PCDH7: variants seen among roughly 807,000 people sequenced by gnomAD.
PCDH7 encodes the protein protocadherin-7.
PCDH7 carries 17 observed loss-of-function variants against 58.9 expected under a neutral mutation model. The observed-to-expected ratio is 0.29, with a 90% CI of 0.20 to 0.43. The LOEUF is 0.43. PCDH7 is among the 20% of genes least tolerant of loss of function. PCDH7 has a pLI of 1.00. For synonymous variants in PCDH7, 664 were observed against 616.4 expected (o/e 1.08, Z -1.14); for missense variants, 1,274 against 1,441.0 (o/e 0.88, Z 1.88).
chr4:30,753,535 G>A (rs534165312), intron 1 of PCDH7, among the ~76,000 whole-genome samples: 1 of 152,162 alleles, frequency 6.6e-6, no homozygotes, highest in Non-Finnish European at 1.5e-5. Context: ...GCAGTAGCAC[G>A]CCATATAAGG....
chr4:30,883,677 C>A (rs938452168), intron 1 of PCDH7, among the ~76,000 whole-genome samples: 1 of 152,070 alleles, frequency 6.6e-6, no homozygotes, highest in Non-Finnish European at 1.5e-5. Context: ...TTAATTTTTG[C>A]AAAGGCTAGG....
intron 1 of PCDH7, chr4:30,725,008 T>C (rs576444115): frequency 9.9e-7 from 1 of 1,012,196 alleles, no homozygotes; most frequent in Non-Finnish European, 1.2e-6. Context: ...CTAAAGTTAC[T>C]ACTGGTGTCT....
intron 3 of PCDH7, among the ~76,000 whole-genome samples, chr4:31,079,382 A>G (rs1414267052): frequency 5.8e-5 from 8 of 137,042 alleles, no homozygotes; most frequent in African/African-American, 2.1e-4. Context: ...TTTTCAAAAT[A>G]GACAGAATAG....
At chr4:30,823,407 T>C (rs1318937243) in intron 1 of PCDH7, among the ~76,000 whole-genome samples, 1 of 152,128 alleles carries the variant, frequency 6.6e-6, no homozygotes, top group Non-Finnish European at 1.5e-5. Flanking sequence ...AGTTCCTTAT[T>C]AGTACGTGCC....
chr4:30,890,543 C>T (rs886078995), intron 1 of PCDH7, among the ~76,000 whole-genome samples: 3 of 151,432 alleles, frequency 2.0e-5, no homozygotes, highest in Non-Finnish European at 4.4e-5. Context: ...ATATTTAAGC[C>T]CAAATATATG....
At position 30,723,330 on chromosome 4, in the gene PCDH7, C is replaced by T; in HGVS notation, c.1908C>T (p.Asp636=). The change falls in exon 1 of 2, where the codon GAC becomes GAT. Residue 636 remains aspartate, a synonymous_variant. Coordinates refer to ENST00000361762, the Ensembl canonical transcript of PCDH7. The surrounding 1 kb of genome is among the most constrained non-coding windows in gnomAD (Gnocchi z 4.6). ...AGGTGGCTGATAAAAATGACAATGACCCTAAGTTTATGCAGGACGTCTTCA... is the reference window on the plus strand; with the variant it reads ...AGGTGGCTGATAAAAATGACAATGATCCTAAGTTTATGCAGGACGTCTTCA... 2 of 1,614,202 alleles carry T rather than the reference C, an allele frequency of 1.2e-6. No individual in the cohort carries two copies. Among genetic ancestry groups the T allele is most frequent in the South Asian group, 1.1e-5 (1 of 91,080 alleles).
At chr4:30,956,227 C>CAA (rs201836402) in intron 3 of PCDH7, among the ~76,000 whole-genome samples, 7 of 117,362 alleles carry the variant, frequency 6.0e-5, no homozygotes, top group Admixed American at 8.9e-5. Flanking sequence ...GACTGCATCT[C>CAA]AAAAAAAAAA....
chr4:30,911,303 A>G (rs535695771), intron 1 of PCDH7, among the ~76,000 whole-genome samples: 2 of 139,790 alleles, frequency 1.4e-5, no homozygotes, highest in Non-Finnish European at 3.0e-5. Flanking sequence ...AACTTAAGGT[A>G]TATTAAAAAA....
intron 3 of PCDH7, among the ~76,000 whole-genome samples, chr4:31,103,120 C>G (rs1198943643): frequency 6.6e-6 from 1 of 152,120 alleles, no homozygotes; most frequent in Non-Finnish European, 1.5e-5. Flanking sequence ...ATACAGGTCT[C>G]CTTACAAGAC....
chr4:31,041,443 C>A (rs1560597013), intron 3 of PCDH7, among the ~76,000 whole-genome samples: 1 of 152,056 alleles, frequency 6.6e-6, no homozygotes, highest in Non-Finnish European at 1.5e-5. Context: ...GAAATGCAGT[C>A]ACTGCTAATT....
intron 3 of PCDH7, among the ~76,000 whole-genome samples, chr4:31,134,153 A>G (rs562524410): frequency 6.6e-6 from 1 of 152,250 alleles, no homozygotes; most frequent in East Asian, 1.9e-4. Flanking sequence ...ATTATCCATG[A>G]TGAGGAGATA....
intron 1 of PCDH7, among the ~76,000 whole-genome samples, chr4:30,828,098 A>G (rs1729324127): frequency 1.3e-5 from 2 of 152,090 alleles, no homozygotes; most frequent in Admixed American, 1.3e-4. Flanking sequence ...TGTGCTGTGC[A>G]TTATCATAAG....
chr4:30,845,884 C>CTCAAT (rs1282683740), intron 1 of PCDH7, among the ~76,000 whole-genome samples: 5 of 152,238 alleles, frequency 3.3e-5, no homozygotes, highest in African/African-American at 1.2e-4. Flanking sequence ...TAAACCACCA[C>CTCAAT]ACTTGGCCTC....
chr4:30,937,142 C>T (rs1305182587), intron 2 of PCDH7, among the ~76,000 whole-genome samples: 1 of 151,900 alleles, frequency 6.6e-6, no homozygotes, highest in African/African-American at 2.4e-5. Context: ...ATTATGCAAA[C>T]CATTCAGTAA....
intron 1 of PCDH7, among the ~76,000 whole-genome samples, chr4:30,791,286 T>C (rs1419779058): frequency 6.6e-6 from 1 of 152,184 alleles, no homozygotes; most frequent in Non-Finnish European, 1.5e-5. Flanking sequence ...ACGTGGTTCA[T>C]ACATTTACAA....
chr4:31,086,301 A>G (rs1384354696), intron 3 of PCDH7, among the ~76,000 whole-genome samples: 2 of 152,136 alleles, frequency 1.3e-5, no homozygotes, highest in African/African-American at 4.8e-5. Context: ...CAAAAATCCT[A>G]ATTCTTGACC....
At chr4:30,974,936 T>C (rs1184009779) in intron 3 of PCDH7, among the ~76,000 whole-genome samples, 1 of 152,198 alleles carries the variant, frequency 6.6e-6, no homozygotes, top group Non-Finnish European at 1.5e-5. Context: ...TCATTCTTTT[T>C]AGCCTAAGTT....
At chr4:30,940,302 A>G (rs1410636613) in intron 2 of PCDH7, among the ~76,000 whole-genome samples, 3 of 152,018 alleles carry the variant, frequency 2.0e-5, no homozygotes, top group Non-Finnish European at 2.9e-5. Context: ...TTGAAATTCT[A>G]TTGACAAATT....
intron 3 of PCDH7, among the ~76,000 whole-genome samples, chr4:31,105,007 G>T (rs967551973): frequency 6.6e-6 from 1 of 152,176 alleles, no homozygotes; most frequent in African/African-American, 2.4e-5. Flanking sequence ...ATATTTCAAA[G>T]ACTTCATTTG....
Sources: allele counts gnomAD v4.1 joint callset (sites outside exome capture counted in the v4.1 genomes callset), GRCh38; gene constraint gnomAD v4.1.1; non-coding constraint Gnocchi (gnomAD v3.1); transcripts MANE v1.5; gene names NCBI Gene and HGNC (gene_info 2026-07-23, HGNC 2026-07-21).